Variants in DSCAML1 observed in about 807,000 individuals in gnomAD.
DSCAML1 encodes DS cell adhesion molecule like 1, also known as cell adhesion molecule DSCAML1.
DSCAML1 carries 38 observed loss-of-function variants against 200.5 expected under a neutral mutation model. The ratio of observed to expected loss-of-function variants is 0.19; its 90% CI spans 0.15 to 0.25. The LOEUF is 0.25. DSCAML1 is among the 10% of genes least tolerant of loss of function. The pLI is 1.00. For synonymous variants in DSCAML1, 1,215 were observed against 1,165.0 expected, an observed-to-expected ratio of 1.04 and a Z score of -0.87; for missense variants, 2,223 against 2,858.8, an observed-to-expected ratio of 0.78 and a Z score of 5.07.
In DSCAML1 at chr11:117,505,112, A is replaced by C; in HGVS notation, c.2063-69T>G. 6.4e-7 allele frequency: 1 copy of C among 1,563,134 alleles called. No individual in the cohort carries two copies. Among genetic ancestry groups the C allele is most frequent in the Non-Finnish European group, 8.7e-7 (1 of 1,150,114 alleles). ...TGATGGGTCTCCTAGGGCTTCGAGC[A>C]CCTTCTGTTTGAGGTCAGCCCTGCC... On this transcript the variant is annotated intron_variant, in intron 9 of 32. Coordinates refer to ENST00000651296, the MANE Select transcript of DSCAML1 (RefSeq NM_020693.4). The surrounding 1 kb of genome is among the most constrained non-coding windows in gnomAD (Gnocchi z 6.7).
chr11:117,536,206 C>T (rs753570267), intron 3 of DSCAML1, among the ~76,000 whole-genome samples: 38 of 152,180 alleles, frequency 2.5e-4, no homozygotes, highest in African/African-American at 5.6e-4. Context: ...TGATGAGCAT[C>T]GGACGGTGGA....
At chr11:117,719,271 C>G (rs934129422) in intron 3 of DSCAML1, among the ~76,000 whole-genome samples, 55 of 152,118 alleles carry the variant, frequency 3.6e-4, no homozygotes, top group Non-Finnish European at 2.4e-4. Context: ...CCCATCTCTG[C>G]TAAAAATCCA....
chr11:117,619,417 GA>G (rs1458833845), intron 3 of DSCAML1, among the ~76,000 whole-genome samples: 2 of 152,346 alleles, frequency 1.3e-5, no homozygotes, highest in East Asian at 3.9e-4. Flanking sequence ...CACATCCCTG[GA>G]AAGGTGCTGG....
At chr11:117,481,910 C>T in intron 12 of DSCAML1, 53 bp downstream of exon 12, 2 of 1,600,708 alleles carry the variant, frequency 1.2e-6, no homozygotes, top group South Asian at 2.2e-5. Flanking sequence ...TAGCTGCGGG[C>T]TCCCCACTCT....
At chr11:117,564,955 G>A (rs1323981640) in intron 3 of DSCAML1, among the ~76,000 whole-genome samples, 3 of 151,896 alleles carry the variant, frequency 2.0e-5, no homozygotes, top group African/African-American at 7.3e-5. Context: ...TAGTAGAGAC[G>A]GGGTTTCACC....
intron 7 of DSCAML1, among the ~76,000 whole-genome samples, chr11:117,517,799 C>A (rs890529638): frequency 5.3e-5 from 8 of 152,220 alleles, no homozygotes; most frequent in African/African-American, 1.9e-4. Context: ...TCAGAGGAGA[C>A]TGTGTTCTCA....
At chr11:117,547,185 C>T (rs910839578) in intron 3 of DSCAML1, among the ~76,000 whole-genome samples, 3 of 152,158 alleles carry the variant, frequency 2.0e-5, no homozygotes, top group Admixed American at 6.5e-5. Flanking sequence ...AGAGCCCAGC[C>T]GGGGGCGACA....
At chr11:117,434,567 T>A (rs890193572) in intron 27 of DSCAML1, among the ~76,000 whole-genome samples, 1 of 151,954 alleles carries the variant, frequency 6.6e-6, no homozygotes, top group Non-Finnish European at 1.5e-5. Flanking sequence ...ACTATTCATA[T>A]AATCATTATC....
At chr11:117,731,186 T>C (rs1249052248) in intron 3 of DSCAML1, among the ~76,000 whole-genome samples, 2 of 152,150 alleles carry the variant, frequency 1.3e-5, no homozygotes, top group East Asian at 1.9e-4. Context: ...AAAAATTGCC[T>C]GCCCTATTGT....
At chr11:117,565,987 C>A (rs1355367665) in intron 3 of DSCAML1, among the ~76,000 whole-genome samples, 1 of 152,198 alleles carries the variant, frequency 6.6e-6, no homozygotes, top group Non-Finnish European at 1.5e-5. Context: ...CAAAGTGGGG[C>A]CTGAGGACTG....
chr11:117,623,237 A>T (rs2051975636), intron 3 of DSCAML1, among the ~76,000 whole-genome samples: 2 of 98,040 alleles, frequency 2.0e-5, no homozygotes, highest in African/African-American at 4.0e-5. Context: ...TTTTTTTGAG[A>T]CAGAGTTTTG....
At position 117,439,358 on chromosome 11, in the gene DSCAML1, C is replaced by A; in HGVS notation, c.4052G>T (p.Arg1351Leu). The change falls in exon 23 of 33, where the codon CGT becomes CTT. Residue 1351 changes from arginine (R) to leucine (L), a missense_variant. Arg to Leu is a moderately radical substitution (Grantham distance 102, BLOSUM62 -2). This residue lies in a region of DSCAML1 where 614 missense variants were observed against 739.1 expected (regional missense o/e 0.83). Transcript: ENST00000651296. The part of the protein sequence containing the change: ...LIHTNGTLLL[R>L]AVKAEDSGYY... ...GCCAGAGTCCTCAGCCTTCACTGCA[C>A]GCAGCAGCAGTGTGCCATTGGTGTG... 5.0e-6 allele frequency: 8 copies of A among 1,613,966 alleles called. No homozygotes were observed. The highest frequency in any genetic ancestry group is 6.8e-6 in the Non-Finnish European group (8 of 1,179,992).
intron 3 of DSCAML1, among the ~76,000 whole-genome samples, chr11:117,684,020 A>G (rs952010819): frequency 6.6e-6 from 1 of 152,210 alleles, no homozygotes; most frequent in African/African-American, 2.4e-5. Flanking sequence ...TTTCTTATCA[A>G]TACCTTGCCT....
chr11:117,725,940 G>T (rs570900605), intron 3 of DSCAML1, among the ~76,000 whole-genome samples: 2 of 152,310 alleles, frequency 1.3e-5, no homozygotes, highest in South Asian at 4.2e-4. Context: ...CTCTCCAGCT[G>T]GGCCCTACCC....
At chr11:117,605,917 C>T (rs1223087244) in intron 3 of DSCAML1, among the ~76,000 whole-genome samples, 1 of 152,114 alleles carries the variant, frequency 6.6e-6, no homozygotes, top group Non-Finnish European at 1.5e-5. Flanking sequence ...CCCTAACCCC[C>T]TGGATGGGTT....
chr11:117,646,999 G>T (rs2052534453), intron 3 of DSCAML1, among the ~76,000 whole-genome samples: 2 of 152,192 alleles, frequency 1.3e-5, no homozygotes, highest in Non-Finnish European at 2.9e-5. Context: ...TGGCTGCATA[G>T]GTTCCTAGAA....
intron 4 of DSCAML1, among the ~76,000 whole-genome samples, chr11:117,525,615 A>G (rs1315436691): frequency 1.3e-5 from 2 of 152,010 alleles, no homozygotes; most frequent in East Asian, 3.9e-4. Context: ...ACGCACCACC[A>G]CACCCAGCTA....
intron 3 of DSCAML1, among the ~76,000 whole-genome samples, chr11:117,651,932 T>C (rs1159117200): frequency 6.6e-6 from 1 of 152,168 alleles, no homozygotes; most frequent in Non-Finnish European, 1.5e-5. Flanking sequence ...ATCTGTCAAC[T>C]ATTCTCTCTG....
intron 3 of DSCAML1, among the ~76,000 whole-genome samples, chr11:117,635,828 C>T (rs368685501): frequency 1.2e-3 from 187 of 152,198 alleles, no homozygotes; most frequent in Middle Eastern, 6.8e-3. Context: ...GGGTGGGAAA[C>T]GCTGCTTTAG....
Sources: allele counts gnomAD v4.1 joint callset (sites outside exome capture counted in the v4.1 genomes callset), GRCh38; gene constraint gnomAD v4.1.1; regional missense constraint gnomAD v4.1.1; non-coding constraint Gnocchi (gnomAD v3.1); transcripts MANE v1.5; gene names NCBI Gene and HGNC (gene_info 2026-07-23, HGNC 2026-07-21).